The following ZNF260 variants were observed in gnomAD, a reference collection of about 807,000 sequenced individuals.
The protein encoded by ZNF260 is zinc finger protein 260, also known as zfp-260.
In ZNF260, 21 loss-of-function variants were observed where a neutral mutation model predicts 29.3. The ratio of observed to expected loss-of-function variants is 0.72; its 90% CI spans 0.51 to 1.03. The LOEUF is 1.03. Ranked by LOEUF, ZNF260 falls within the 50% of genes least tolerant of loss-of-function variation. The probability of loss-of-function intolerance (pLI) is 0.00; values close to 1 mark genes in which losing one functional copy is unlikely to be tolerated. For synonymous variants in ZNF260, 156 were observed against 156.8 expected (o/e 0.99, Z 0.04); for missense variants, 465 against 487.8 (o/e 0.95, Z 0.44).
At chr19:36,524,852 T>TA (rs987926703) in intron 2 of ZNF260, among the ~76,000 whole-genome samples, 3 of 152,016 alleles carry the variant, frequency 2.0e-5, no homozygotes, top group Non-Finnish European at 2.9e-5. Context: ...ATTGAGGCTG[T>TA]AAAAAAATCA....
intron 2 of ZNF260, among the ~76,000 whole-genome samples, chr19:36,517,838 CT>C (rs200161285): frequency 2.1e-3 from 307 of 143,752 alleles, no homozygotes; most frequent in Middle Eastern, 7.2e-3. Flanking sequence ...TTCTTTCTTT[CT>C]TTTTTTTTTT....
At chr19:36,516,451 G>C (rs988199223) in intron 2 of ZNF260, among the ~76,000 whole-genome samples, 23 of 152,130 alleles carry the variant, frequency 1.5e-4, no homozygotes, top group Admixed American at 1.2e-3. Flanking sequence ...TTAAAAACTA[G>C]CCAGGCATGG....
intron 2 of ZNF260, among the ~76,000 whole-genome samples, chr19:36,522,481 A>T (rs186134768): frequency 1.2e-4 from 18 of 151,406 alleles, no homozygotes; most frequent in Admixed American, 7.9e-4. Flanking sequence ...TAAATAAAAT[A>T]AAAAAAAACA....
rs774817190 is a variant in ZNF260, at chr19:36,514,597, A to G, written c.642T>C (p.His214=). Residue 214 remains histidine (H), a synonymous_variant, in exon 3 of 3, where the codon CAT becomes CAC. Transcript: ENST00000523638. ...TACATTCATAAGGTTTCTCTCCAGTATGGATTCTCTGATGTATAATGAGGT... is the reference window on the plus strand; with the variant it reads ...TACATTCATAAGGTTTCTCTCCAGTGTGGATTCTCTGATGTATAATGAGGT... The part of the protein sequence containing the change: ...KENLIIHQRI[H]TGEKPYECKG... 1 of 1,614,004 alleles carries G rather than the reference A, an allele frequency of 6.2e-7. No individual in the cohort carries two copies. Among genetic ancestry groups the G allele is most frequent in the South Asian group, 1.1e-5 (1 of 91,070 alleles).
In ZNF260 at chr19:36,512,668, A is replaced by G. The variant is rs949873588; in HGVS notation, c.*1332T>C. The stretch of plus-strand genomic sequence containing the variant: ...TATTCAAATTCACAGAAGCATCATT[A>G]CAATATGTTCATCATTTTTCTTCAC... On this transcript the variant is annotated 3_prime_UTR_variant, in exon 3 of 3. Transcript: ENST00000523638. The G allele has an allele frequency of 6.6e-6, 1 of 152,180 alleles. No homozygotes were observed. The highest frequency in any genetic ancestry group is 2.4e-5 in the African/African-American group (1 of 41,452). 9.4% of individuals were successfully genotyped at this position (152,180 alleles called of 1,614,324 possible).
At position 36,511,464 on chromosome 19, in the gene ZNF260, C is replaced by T. The variant is rs1020922043; in HGVS notation, c.*2536G>A. On this transcript the variant is annotated 3_prime_UTR_variant, in exon 3 of 3. Coordinates refer to ENST00000523638, the MANE Select transcript of ZNF260 (RefSeq NM_001166037.2). ...GTCAGGAATTCAAGACCAGCCTGGCCAACATGGTGCAACTCCGTCTCTACT... is the reference window on the plus strand; with the variant it reads ...GTCAGGAATTCAAGACCAGCCTGGCTAACATGGTGCAACTCCGTCTCTACT... 4 of 152,040 alleles carry T rather than the reference C, an allele frequency of 2.6e-5. No homozygotes were observed. The highest frequency in any genetic ancestry group is 9.7e-5 in the African/African-American group (4 of 41,356). The allele number at this position is 152,040 out of a possible 1,614,324, so 9.4% of individuals were successfully genotyped here.
rs1600206795 is a variant in ZNF260, at chr19:36,514,330, G to C, written c.909C>G (p.Pro303=). ...CTTTTCCACATTTATTACATTCATA[G>C]GGTTTCTCTCCTGTATGAATATTGT... ...KHHNIHTGEK[P]YECNKCGKAF... is the part of the protein sequence containing the mutation. The change falls in exon 3 of 3, where the codon CCC becomes CCG. Residue 303 remains proline (P), a synonymous_variant. Coordinates refer to ENST00000523638, the MANE Select transcript of ZNF260 (RefSeq NM_001166037.2). 6.2e-7 allele frequency: 1 copy of C among 1,613,996 alleles called. No individual in the cohort carries two copies. Among genetic ancestry groups the C allele is most frequent in the Non-Finnish European group, 8.5e-7 (1 of 1,179,974 alleles).
rs1284709067 is a variant in ZNF260 at position 36,528,237 on chromosome 19, A to C, written c.-699T>G. 8.3e-6 allele frequency: 1 copy of C among 120,434 alleles called. No individual in the cohort carries two copies. Among genetic ancestry groups the C allele is most frequent in the African/African-American group, 2.9e-5 (1 of 35,040 alleles). The allele number at this position is 120,434 out of a possible 1,614,324, so 7.5% of individuals were successfully genotyped here. A position where few individuals can be genotyped will look rare whatever the true frequency, so the allele number is the denominator to read the frequency against. ...AACTCACCGGCAGACAAAGACGACC[A>C]TGGCAAGTCGGAGATTCCGCGCCTG... On this transcript the variant is annotated 5_prime_UTR_variant, in exon 1 of 3. It removes an upstream start codon present in the reference 5' UTR. Transcript: ENST00000523638.
intron 2 of ZNF260, among the ~76,000 whole-genome samples, chr19:36,524,853 A>T (rs1381097650): frequency 6.6e-6 from 1 of 152,166 alleles, no homozygotes; most frequent in Non-Finnish European, 1.5e-5. Flanking sequence ...TTGAGGCTGT[A>T]AAAAAATCAT....
chr19:36,521,691 T>C (rs930080730), intron 2 of ZNF260, among the ~76,000 whole-genome samples: 2 of 151,864 alleles, frequency 1.3e-5, no homozygotes, highest in Non-Finnish European at 2.9e-5. Flanking sequence ...GAGGCAGACA[T>C]TGTAGTGAGC....
Position 36,514,288 on chromosome 19 carries a change from T to A in ZNF260, c.951A>T (p.Thr317=). 2.5e-6 allele frequency: 4 copies of A among 1,614,158 alleles called. No individual in the cohort carries two copies. The South Asian group carries it at 3.3e-5, about 13-fold the overall frequency. The stretch of plus-strand genomic sequence containing the variant: ...GAATTCTCACATGTACAATAAGTGA[T>A]GTGATTCGAGAGAAGGCTTTTCCAC... ...NKCGKAFSRI[T]SLIVHVRIHT... is the part of the protein sequence containing the mutation. The change falls in exon 3 of 3, where the codon ACA becomes ACT. Residue 317 remains threonine (T), a synonymous_variant. Transcript: ENST00000523638.
chr19:36,519,801 G>GA (rs1428386315), intron 2 of ZNF260, among the ~76,000 whole-genome samples: 2 of 152,188 alleles, frequency 1.3e-5, no homozygotes, highest in African/African-American at 4.8e-5. Context: ...TTTGGCCAGG[G>GA]AAAATTAATG....
chr19:36,523,573 A>C (rs2034679986), intron 2 of ZNF260, among the ~76,000 whole-genome samples: 2 of 146,060 alleles, frequency 1.4e-5, no homozygotes, highest in East Asian at 2.0e-4. Context: ...TAATAGTATT[A>C]TTTCTTTTTT....
intron 2 of ZNF260, among the ~76,000 whole-genome samples, chr19:36,516,701 A>G (rs2034556654): frequency 6.6e-6 from 1 of 152,032 alleles, no homozygotes; most frequent in African/African-American, 2.4e-5. Context: ...GCCTCAGCTT[A>G]CTGAGCAGCT....
intron 2 of ZNF260, among the ~76,000 whole-genome samples, chr19:36,523,735 G>A (rs978713446): frequency 6.6e-6 from 1 of 151,398 alleles, no homozygotes; most frequent in Non-Finnish European, 1.5e-5. Flanking sequence ...GTGCCACCTC[G>A]CCAGGCTAAT....
chr19:36,524,396 G>A (rs902947577), intron 2 of ZNF260, among the ~76,000 whole-genome samples: 5 of 151,854 alleles, frequency 3.3e-5, no homozygotes, highest in Non-Finnish European at 5.9e-5. Flanking sequence ...AGCCAGGATG[G>A]TCGTGATCTC....
At chr19:36,524,125 G>A (rs2034688494) in intron 2 of ZNF260, among the ~76,000 whole-genome samples, 1 of 151,948 alleles carries the variant, frequency 6.6e-6, no homozygotes, top group Non-Finnish European at 1.5e-5. Flanking sequence ...GTCTTTGAAA[G>A]TTTTTTTATT....
chr19:36,514,959 G>A lies in ZNF260; in HGVS notation c.280C>T (p.Gln94Ter). The change falls in exon 3 of 3, where the codon CAG (glutamine) becomes TAG (stop). Residue 94 changes from glutamine (Q) to a stop codon, truncating the protein, a stop_gained. Coordinates refer to ENST00000523638, the MANE Select transcript of ZNF260 (RefSeq NM_001166037.2). LOFTEE classifies it high-confidence loss of function. ...TGATGAGAAAGGAAGTTTTCCTTCT[G>A]GCTGAAGGCTTTTCCACATTTATTA... The part of the protein sequence containing the change: ...KCNKCGKAFS[Q>*]KENFLSHQKH... 6.2e-7 allele frequency: 1 copy of A among 1,614,048 alleles called. No homozygotes were observed. The highest frequency in any genetic ancestry group is 1.7e-5 in the Admixed American group (1 of 59,996).
At chr19:36,526,937 G>A (rs1485470934) in intron 1 of ZNF260, among the ~76,000 whole-genome samples, 4 of 152,230 alleles carry the variant, frequency 2.6e-5, no homozygotes, top group African/African-American at 9.6e-5. Context: ...TCTCTAAGAT[G>A]TAAGTGCCTT....
Sources: allele counts gnomAD v4.1 joint callset (sites outside exome capture counted in the v4.1 genomes callset), GRCh38; gene constraint gnomAD v4.1.1; transcripts MANE v1.5; gene names NCBI Gene and HGNC (gene_info 2026-07-23, HGNC 2026-07-21).